Variants in SYTL2 observed in about 807,000 individuals in gnomAD.
SYTL2 encodes synaptotagmin-like protein 2.
Under a neutral mutation model 198.7 loss-of-function variants are expected in SYTL2, and 165 were observed. The observed-to-expected ratio is 0.83, with a 90% confidence interval of 0.73 to 0.94. The LOEUF (loss-of-function observed/expected upper bound fraction) is 0.94, where lower values mean the gene tolerates loss of function less well. Among genes scored for constraint, SYTL2 ranks in the 40% least tolerant of loss-of-function variants. The probability of loss-of-function intolerance (pLI) is 0.00; values close to 1 mark genes in which losing one functional copy is unlikely to be tolerated. For missense variants in SYTL2, 2,835 were observed against 2,582.8 expected (o/e 1.10, Z -2.12); for synonymous variants, 966 against 917.7 (o/e 1.05, Z -0.95).
the SYTL2 span, among the ~76,000 whole-genome samples, chr11:85,831,572 G>C: frequency 6.6e-6 from 1 of 152,096 alleles, no homozygotes; most frequent in South Asian, 2.1e-4. Context: ...CATGATGATG[G>C]CTTAATATTT....
chr11:85,835,750 G>A, the SYTL2 span, among the ~76,000 whole-genome samples: 7 of 152,044 alleles, frequency 4.6e-5, no homozygotes, highest in African/African-American at 1.4e-4. Context: ...TTCTTGTATT[G>A]GAGGCTTCAA....
intron 1 of SYTL2, among the ~76,000 whole-genome samples, chr11:85,797,904 A>G (rs1420551121): frequency 6.6e-6 from 1 of 152,044 alleles, no homozygotes; most frequent in East Asian, 1.9e-4. Flanking sequence ...CCCAGGCTGG[A>G]GTGCAGTGGT....
rs367860762 is a variant in SYTL2, at chr11:85,726,500, C to T, written c.2858G>A (p.Arg953His). The T allele has an allele frequency of 1.7e-5, 28 of 1,607,278 alleles. No individual in the cohort carries two copies. The highest frequency in any genetic ancestry group is 1.0e-4 in the Admixed American group (6 of 59,978). The change falls in exon 8 of 20, where the codon CGT becomes CAT. Residue 953 changes from arginine to histidine, a missense_variant. This residue lies in a region of SYTL2 where 2,645 missense variants were observed against 2,381.7 expected (regional missense o/e 1.11). Transcript: ENST00000359152. Reference protein sequence around the residue: ...APLEKDRPLVRESNANFKVMS... With the variant: ...APLEKDRPLVHESNANFKVMS... ...AACTTTAAAGTTGGCATTTGATTCA[C>T]GAACTAGAGGTCTGTCTTTCTCCAA...
chr11:85,740,309 G>C (rs952974574), intron 4 of SYTL2, among the ~76,000 whole-genome samples: 2 of 152,076 alleles, frequency 1.3e-5, no homozygotes, highest in Non-Finnish European at 2.9e-5. Flanking sequence ...GTCCCTCCTT[G>C]TAAGTGTTCT....
chr11:85,798,145 C>T (rs1485074628), intron 1 of SYTL2, among the ~76,000 whole-genome samples: 1 of 152,046 alleles, frequency 6.6e-6, no homozygotes, highest in African/African-American at 2.4e-5. Context: ...AGGCGTGAGC[C>T]ACTGCACCCA....
At chr11:85,783,886 G>T (rs1566020488) in intron 1 of SYTL2, among the ~76,000 whole-genome samples, 1 of 152,106 alleles carries the variant, frequency 6.6e-6, no homozygotes, top group East Asian at 1.9e-4. Context: ...GGCTCTTCTT[G>T]CTCCTTTCTC....
chr11:85,710,072 G>A (rs2085980845), intron 13 of SYTL2, among the ~76,000 whole-genome samples: 1 of 152,218 alleles, frequency 6.6e-6, no homozygotes, highest in Admixed American at 6.5e-5. Context: ...TCAAAGCAGG[G>A]TGATTTTATG....
chr11:85,811,178 T>G (rs1214809492), upstream of SYTL2: 1 of 151,952 alleles, frequency 6.6e-6, no homozygotes, highest in Non-Finnish European at 1.5e-5. Flanking sequence ...CCCTCCCCGC[T>G]ACCCCCGCCC....
chr11:85,781,404 A>T (rs1458595376), intron 1 of SYTL2, among the ~76,000 whole-genome samples: 1 of 152,148 alleles, frequency 6.6e-6, no homozygotes, highest in Non-Finnish European at 1.5e-5. Flanking sequence ...ACAATTCAAG[A>T]TGAGATTAGG....
chr11:85,852,944 G>T, the SYTL2 span: 3 of 304,572 alleles, frequency 9.8e-6, no homozygotes, highest in Non-Finnish European at 1.9e-5. Context: ...TCTCTACCCG[G>T]CCGCCCCGTC....
chr11:85,716,118 TTAGGAGA>T (rs2087189224), intron 11 of SYTL2, among the ~76,000 whole-genome samples: 1 of 152,252 alleles, frequency 6.6e-6, no homozygotes. Context: ...ACTAAGCCAA[TTAGGAGA>T]TCATGAATAA....
chr11:85,709,858 T>G lies in SYTL2; in HGVS notation c.5746-358A>C, dbSNP rs965712722. Among the ~76,000 whole-genome samples, 9 of 152,232 alleles carry G rather than the reference T, an allele frequency of 5.9e-5. No individual in the cohort carries two copies. The East Asian group carries it at 1.5e-3, about 26-fold the overall frequency. On this transcript the variant is annotated intron_variant, in intron 13 of 19. Coordinates refer to ENST00000359152, the MANE Select transcript of SYTL2 (RefSeq NM_206927.4). ...CCACCATGCCCAGCTAATTTTTATA[T>G]TTTTAGTAGAGATGGGGTTTCACCA...
chr11:85,810,207 C>T (rs923034714), intron 1 of SYTL2, among the ~76,000 whole-genome samples: 2 of 152,184 alleles, frequency 1.3e-5, no homozygotes, highest in African/African-American at 4.8e-5. Flanking sequence ...GCCCTGGAGG[C>T]TGCTGGTCAC....
chr11:85,832,163 TAA>T, the SYTL2 span, among the ~76,000 whole-genome samples: 662 of 152,296 alleles, frequency 4.3e-3, 6 homozygotes, highest in African/African-American at 0.015. Context: ...TGGCAAACAA[TAA>T]TAAAAGCTAC....
At chr11:85,759,610 T>C (rs995070941) in intron 1 of SYTL2, among the ~76,000 whole-genome samples, 3 of 152,224 alleles carry the variant, frequency 2.0e-5, no homozygotes, top group African/African-American at 7.2e-5. Flanking sequence ...AAGACTATAC[T>C]TAGTAATATA....
At chr11:85,835,361 C>G in the SYTL2 span, among the ~76,000 whole-genome samples, 2 of 151,992 alleles carry the variant, frequency 1.3e-5, no homozygotes, top group African/African-American at 4.8e-5. Flanking sequence ...ACTCCATCCT[C>G]TAGCCTCCCA....
rs1440164078 is a variant in SYTL2, at chr11:85,694,334, A to C, written c.*861T>G. On this transcript the variant is annotated 3_prime_UTR_variant, in exon 20 of 20. Coordinates refer to ENST00000359152, the MANE Select transcript of SYTL2 (RefSeq NM_206927.4). The stretch of plus-strand genomic sequence containing the variant: ...TTCTAAGGGTTTTTACAAAATACGA[A>C]AATTTTACATACATAAGAAGAACAG... 6.6e-6 allele frequency: 1 copy of C among 152,202 alleles called. No homozygotes were observed. Among genetic ancestry groups the C allele is most frequent in the African/African-American group, 2.4e-5 (1 of 41,428 alleles). The allele number at this position is 152,202 out of a possible 1,614,324, so 9.4% of individuals were successfully genotyped here.
intron 18 of SYTL2, chr11:85,696,592 T>C: frequency 1.7e-6 from 1 of 575,464 alleles, no homozygotes; most frequent in South Asian, 2.1e-5. Context: ...TCAGCTATAC[T>C]TGGTTTGAAT....
chr11:85,787,695 C>CCTTTTT (rs1566023900), intron 1 of SYTL2, among the ~76,000 whole-genome samples: 3 of 102,692 alleles, frequency 2.9e-5, no homozygotes, highest in South Asian at 4.3e-4. Flanking sequence ...GTTTTTTTTT[C>CCTTTTT]TTTTCCTTTT....
Sources: allele counts gnomAD v4.1 joint callset (sites outside exome capture counted in the v4.1 genomes callset), GRCh38; gene constraint gnomAD v4.1.1; regional missense constraint gnomAD v4.1.1; transcripts MANE v1.5; gene names NCBI Gene and HGNC (gene_info 2026-07-23, HGNC 2026-07-21).